Variants in RSU1 observed in about 807,000 individuals in gnomAD.
RSU1 encodes Ras suppressor protein 1.
In RSU1, 26 loss-of-function variants were observed where a neutral mutation model predicts 31.1. That is an observed-to-expected ratio of 0.84 (90% CI 0.61 to 1.16). The LOEUF is 1.16. RSU1 is among the 50% of genes most tolerant of loss of function. The pLI, the probability that RSU1 is intolerant of heterozygous loss-of-function variation, is 0.00. For synonymous variants in RSU1, 164 were observed against 136.3 expected, an observed-to-expected ratio of 1.20 and a Z score of -1.41; for missense variants, 320 against 339.1, an observed-to-expected ratio of 0.94 and a Z score of 0.44.
chr10:16,621,545 C>A (rs1461041246), intron 8 of RSU1, among the ~76,000 whole-genome samples: 1 of 152,122 alleles, frequency 6.6e-6, no homozygotes, highest in African/African-American at 2.4e-5. Context: ...ATACCCAACA[C>A]TGGGTAATTT....
chr10:16,610,134 T>C (rs1456487584), intron 8 of RSU1, among the ~76,000 whole-genome samples: 1 of 152,224 alleles, frequency 6.6e-6, no homozygotes, highest in Non-Finnish European at 1.5e-5. Flanking sequence ...TTAGTAAATT[T>C]ATTACATAAA....
intron 7 of RSU1, among the ~76,000 whole-genome samples, chr10:16,733,654 C>T (rs983462671): frequency 5.3e-5 from 8 of 152,122 alleles, no homozygotes; most frequent in Non-Finnish European, 1.0e-4. Context: ...GTTATAAAGG[C>T]TATAACACGG....
intron 7 of RSU1, among the ~76,000 whole-genome samples, chr10:16,724,540 G>A (rs1287198016): frequency 1.3e-5 from 2 of 152,192 alleles, no homozygotes; most frequent in African/African-American, 2.4e-5. Context: ...AGATCTGAGT[G>A]AGAACATACT....
intron 2 of RSU1, among the ~76,000 whole-genome samples, chr10:16,789,534 G>C (rs992828845): frequency 9.8e-5 from 15 of 152,308 alleles, no homozygotes; most frequent in African/African-American, 3.6e-4. Context: ...CTCGGGAATG[G>C]TGAGTTCACT....
At chr10:16,720,465 C>T (rs1836230459) in intron 7 of RSU1, among the ~76,000 whole-genome samples, 1 of 152,148 alleles carries the variant, frequency 6.6e-6, no homozygotes, top group Non-Finnish European at 1.5e-5. Context: ...GAATATTTTA[C>T]AGCAAAAAAC....
rs541911354 is a variant in RSU1 at position 16,717,551 on chromosome 10, T to C, written c.599-22396A>G. ...CTATCTGAAAGCAATTATTTCCATA[T>C]AACCATGTATGTAAACACACAGATA... On this transcript the variant is annotated intron_variant, in intron 7 of 8. Transcript: ENST00000345264. 2.0e-5 allele frequency among the ~76,000 whole-genome samples: 3 copies of C among 152,302 alleles called. No individual in the cohort carries two copies. In the South Asian group the frequency reaches 6.2e-4, roughly 32 times the overall value.
At chr10:16,759,573 T>C (rs769038870) in intron 4 of RSU1, among the ~76,000 whole-genome samples, 9 of 152,146 alleles carry the variant, frequency 5.9e-5, no homozygotes, top group Non-Finnish European at 1.0e-4. Flanking sequence ...AAAACTTCTA[T>C]GTGTTTATGA....
chr10:16,606,146 C>A (rs561672395), intron 8 of RSU1, among the ~76,000 whole-genome samples: 1 of 152,110 alleles, frequency 6.6e-6, no homozygotes. Flanking sequence ...TGTCCTCTTG[C>A]GGACACTTTT....
chr10:16,763,563 C>T (rs1161109391), intron 4 of RSU1, among the ~76,000 whole-genome samples: 4 of 152,160 alleles, frequency 2.6e-5, no homozygotes, highest in Admixed American at 1.3e-4. Context: ...CACCAGGCCC[C>T]ACCTCCAACA....
At chr10:16,754,726 G>C in intron 5 of RSU1, 145 bp downstream of exon 5, 1 of 615,680 alleles carries the variant, frequency 1.6e-6, no homozygotes, top group South Asian at 2.0e-5. Flanking sequence ...GCTGAGCTAC[G>C]AAGGAATATT....
intron 8 of RSU1, among the ~76,000 whole-genome samples, chr10:16,600,506 T>G (rs1448874223): frequency 6.6e-6 from 1 of 152,070 alleles, no homozygotes; most frequent in East Asian, 1.9e-4. Flanking sequence ...GCAACTTTTT[T>G]TTTGATTAAG....
intron 8 of RSU1, among the ~76,000 whole-genome samples, chr10:16,678,881 G>A (rs955129977): frequency 2.0e-5 from 3 of 151,684 alleles, no homozygotes; most frequent in African/African-American, 4.8e-5. Context: ...CATGCCCCAT[G>A]GACTACTCCA....
chr10:16,722,758 ATATGTG>A (rs1266875006), intron 7 of RSU1, among the ~76,000 whole-genome samples: 1 of 151,930 alleles, frequency 6.6e-6, no homozygotes, highest in Non-Finnish European at 1.5e-5. Context: ...CTCAAACTAC[ATATGTG>A]TATATCTGTA....
chr10:16,642,800 C>T lies in RSU1; in HGVS notation c.732-49304G>A, dbSNP rs148960087. On this transcript the variant is annotated intron_variant, in intron 8 of 8. Transcript: ENST00000345264. ...TTTTGAATTTATGCATACTTCTTCG[C>T]CAGTCTCAACCTTTCCAATAGTTAT... Among the ~76,000 whole-genome samples the T allele has an allele frequency of 3.3e-3, 502 of 152,260 alleles. 3 individuals carry two copies. The highest frequency in any genetic ancestry group is 0.015 in the South Asian group (73 of 4,818).
intron 2 of RSU1, among the ~76,000 whole-genome samples, chr10:16,784,259 T>G (rs1403481455): frequency 6.6e-6 from 1 of 152,120 alleles, no homozygotes; most frequent in Non-Finnish European, 1.5e-5. Context: ...TTTAAATGTT[T>G]TTTTGTTTTA....
intron 7 of RSU1, among the ~76,000 whole-genome samples, chr10:16,698,249 A>G (rs1334114047): frequency 2.0e-5 from 3 of 152,018 alleles, no homozygotes; most frequent in Non-Finnish European, 4.4e-5. Context: ...CCTGCATCAC[A>G]AGCTCCCTTC....
chr10:16,695,949 A>T (rs1435474607), intron 7 of RSU1, among the ~76,000 whole-genome samples: 1 of 152,234 alleles, frequency 6.6e-6, no homozygotes, highest in Non-Finnish European at 1.5e-5. Flanking sequence ...TAAAAAAGCC[A>T]GCAAGCACCC....
Position 16,810,878 on chromosome 10 carries a change from C to T in RSU1, c.109+6095G>A, listed in dbSNP as rs7076853. Among the ~76,000 whole-genome samples the T allele has an allele frequency of 7.9e-3, 1,196 of 151,988 alleles. 23 individuals carry two copies. Among genetic ancestry groups the T allele is most frequent in the African/African-American group, 0.028 (1,156 of 41,446 alleles). On this transcript the variant is annotated intron_variant, in intron 2 of 8. Coordinates refer to ENST00000345264, the MANE Select transcript of RSU1 (RefSeq NM_012425.4). ...CTCTATAAAAATTACAAAAATTTGC[C>T]GGCAGTGGTGGCATGTGCCTGTAAT...
intron 8 of RSU1, among the ~76,000 whole-genome samples, chr10:16,605,618 T>C (rs568127169): frequency 2.6e-5 from 4 of 152,250 alleles, no homozygotes; most frequent in African/African-American, 9.6e-5. Flanking sequence ...CTTCCTGATG[T>C]CCTCAATTCC....
Sources: gnomAD v4.1 joint callset for allele counts (sites outside exome capture counted in the v4.1 genomes callset) on GRCh38, gnomAD v4.1.1 for gene constraint, MANE v1.5 for transcripts, NCBI Gene and HGNC (gene_info 2026-07-23, HGNC 2026-07-21) for gene names.